Variants in HPSE2 observed in about 807,000 individuals in gnomAD.
HPSE2 encodes inactive heparanase-2.
A neutral mutation model predicts 60.5 loss-of-function variants in HPSE2; 38 were observed. The ratio of observed to expected loss-of-function variants is 0.63; its 90% CI spans 0.48 to 0.82. The LOEUF (loss-of-function observed/expected upper bound fraction) is 0.82. Ranked by LOEUF, HPSE2 falls within the 40% of genes least tolerant of loss-of-function variation. The pLI, the probability that HPSE2 is intolerant of heterozygous loss-of-function variation, is 0.00. For synonymous variants in HPSE2, 295 were observed against 293.2 expected, an observed-to-expected ratio of 1.01 and a Z score of -0.06; for missense variants, 713 against 740.4, an observed-to-expected ratio of 0.96 and a Z score of 0.43.
At chr10:99,100,062 GA>G (rs1227995806) in intron 3 of HPSE2, among the ~76,000 whole-genome samples, 1 of 152,148 alleles carries the variant, frequency 6.6e-6, no homozygotes, top group Non-Finnish European at 1.5e-5. Context: ...CAGAAAAGCT[GA>G]AAATTCTAAA....
intron 11 of HPSE2, among the ~76,000 whole-genome samples, chr10:98,478,664 C>A (rs1229065442): frequency 6.6e-6 from 1 of 152,146 alleles, no homozygotes; most frequent in East Asian, 1.9e-4. Flanking sequence ...GTATTCTAGG[C>A]CAAATCTGTT....
At chr10:98,550,139 G>A (rs191690133) in intron 9 of HPSE2, among the ~76,000 whole-genome samples, 30 of 152,294 alleles carry the variant, frequency 2.0e-4, no homozygotes, top group African/African-American at 7.2e-4. Context: ...CTGTGTTCCA[G>A]TCATGCTGGC....
At chr10:99,228,537 A>AC (rs1439188116) in intron 2 of HPSE2, among the ~76,000 whole-genome samples, 2 of 152,172 alleles carry the variant, frequency 1.3e-5, no homozygotes, top group Admixed American at 1.3e-4. Context: ...CAGAAGAATA[A>AC]CCCAAGATTT....
chr10:99,227,731 A>G (rs1381785738), intron 2 of HPSE2, among the ~76,000 whole-genome samples: 3 of 151,368 alleles, frequency 2.0e-5, no homozygotes, highest in Admixed American at 6.6e-5. Flanking sequence ...AAGGCTAGAC[A>G]TTGTGGATAT....
chr10:99,102,864 A>G (rs1445396355), intron 3 of HPSE2, among the ~76,000 whole-genome samples: 1 of 152,230 alleles, frequency 6.6e-6, no homozygotes, highest in Non-Finnish European at 1.5e-5. Flanking sequence ...TCATATAAAC[A>G]GAACCAAAGA....
In HPSE2 at chr10:98,708,246, G is replaced by A. The variant is rs576060291; in HGVS notation, c.956+13411C>T. 3.9e-5 allele frequency among the ~76,000 whole-genome samples: 6 copies of A among 152,172 alleles called. No individual in the cohort carries two copies. The South Asian group carries it at 1.2e-3, about 32-fold the overall frequency. ...CTGAGGTGGGCGGATCACGAGGTCA[G>A]GAGATCAAGACTATCCTCACTAACA... is the stretch of plus-strand genomic sequence containing the variant. On this transcript the variant is annotated intron_variant, in intron 5 of 11. Transcript: ENST00000370552.
chr10:99,025,530 A>G (rs1383463512), intron 3 of HPSE2, among the ~76,000 whole-genome samples: 1 of 152,196 alleles, frequency 6.6e-6, no homozygotes, highest in Non-Finnish European at 1.5e-5. Context: ...TAAAAAAAGA[A>G]CAAGATCATG....
chr10:99,280,840 G>C, the HPSE2 span, among the ~76,000 whole-genome samples: 1 of 152,066 alleles, frequency 6.6e-6, no homozygotes, highest in South Asian at 2.1e-4. Context: ...AAATCCCTGA[G>C]GTTCAGCTAC....
At chr10:98,470,368 C>T (rs1011486118) in intron 11 of HPSE2, among the ~76,000 whole-genome samples, 2 of 152,072 alleles carry the variant, frequency 1.3e-5, no homozygotes, top group African/African-American at 4.8e-5. Flanking sequence ...CAAGGGTAAG[C>T]AGGGAAGGCT....
intron 6 of HPSE2, among the ~76,000 whole-genome samples, chr10:98,654,731 G>A (rs1947012104): frequency 6.6e-6 from 1 of 151,934 alleles, no homozygotes; most frequent in Middle Eastern, 3.2e-3. Flanking sequence ...CTGATACTTT[G>A]TTCAGACTGT....
At chr10:98,882,277 AT>A (rs2134886049) in intron 3 of HPSE2, among the ~76,000 whole-genome samples, 1 of 152,198 alleles carries the variant, frequency 6.6e-6, no homozygotes, top group South Asian at 2.1e-4. Flanking sequence ...CTAGGAATAA[AT>A]GTTTATTGTT....
intron 3 of HPSE2, among the ~76,000 whole-genome samples, chr10:98,972,734 G>A (rs1173560613): frequency 6.6e-6 from 1 of 151,988 alleles, no homozygotes; most frequent in African/African-American, 2.4e-5. Context: ...TCAATACTCT[G>A]CACTAAAAGC....
intron 2 of HPSE2, among the ~76,000 whole-genome samples, chr10:99,199,422 G>A (rs1030332888): frequency 6.6e-6 from 1 of 151,908 alleles, no homozygotes; most frequent in Non-Finnish European, 1.5e-5. Flanking sequence ...TAGTGATACT[G>A]AGTCTTTAGT....
Position 98,712,932 on chromosome 10 carries a change from C to T in HPSE2, c.956+8725G>A, listed in dbSNP as rs571051150. Among the ~76,000 whole-genome samples the T allele has an allele frequency of 2.0e-5, 3 of 152,152 alleles. No individual in the cohort carries two copies. In the East Asian group the frequency reaches 5.8e-4, roughly 29 times the overall value. On this transcript the variant is annotated intron_variant, in intron 5 of 11. Coordinates refer to ENST00000370552, the MANE Select transcript of HPSE2 (RefSeq NM_021828.5). The stretch of plus-strand genomic sequence containing the variant: ...TAGTAAATACAACATACTTCTTGCC[C>T]TTATGGAATTTATAATCTATAAAGG...
intron 3 of HPSE2, among the ~76,000 whole-genome samples, chr10:99,131,787 C>T (rs1307343937): frequency 1.3e-5 from 2 of 152,044 alleles, no homozygotes; most frequent in Non-Finnish European, 2.9e-5. Context: ...GTGTACACTG[C>T]TTGGGTGATG....
intron 4 of HPSE2, among the ~76,000 whole-genome samples, chr10:98,733,192 C>T (rs1284171125): frequency 6.6e-6 from 1 of 152,128 alleles, no homozygotes. Context: ...GCGACCTTGG[C>T]TCACTGCAAC....
intron 3 of HPSE2, among the ~76,000 whole-genome samples, chr10:99,044,033 C>CA (rs1957801117): frequency 6.6e-6 from 1 of 152,072 alleles, no homozygotes; most frequent in Non-Finnish European, 1.5e-5. Flanking sequence ...AGATACTATA[C>CA]AATATGACTA....
chr10:98,942,763 T>C (rs1250481210), intron 3 of HPSE2, among the ~76,000 whole-genome samples: 2 of 152,080 alleles, frequency 1.3e-5, no homozygotes, highest in African/African-American at 4.8e-5. Flanking sequence ...ATCATGCTGC[T>C]ATAAAGATAC....
chr10:98,559,141 C>T (rs1435818930), intron 9 of HPSE2, among the ~76,000 whole-genome samples: 2 of 152,192 alleles, frequency 1.3e-5, no homozygotes, highest in Non-Finnish European at 2.9e-5. Flanking sequence ...CTATCTCCTG[C>T]CTCAGCCTCC....
Sources: gnomAD v4.1 joint callset for allele counts (sites outside exome capture counted in the v4.1 genomes callset) on GRCh38, gnomAD v4.1.1 for gene constraint, MANE v1.5 for transcripts, NCBI Gene and HGNC (gene_info 2026-07-23, HGNC 2026-07-21) for gene names.